Variants in LHFPL3 observed in about 807,000 individuals in gnomAD.
The protein encoded by LHFPL3 is LHFPL tetraspan subfamily member 3 protein.
A neutral mutation model predicts 19.3 loss-of-function variants in LHFPL3; 5 were observed. The ratio of observed to expected loss-of-function variants is 0.26; its 90% CI spans 0.14 to 0.54. The LOEUF is 0.54. Among genes scored for constraint, LHFPL3 ranks in the 20% least tolerant of loss-of-function variants. The pLI, the probability that LHFPL3 is intolerant of heterozygous loss-of-function variation, is 0.94. For missense variants in LHFPL3, 249 were observed against 307.4 expected, an observed-to-expected ratio of 0.81 and a Z score of 1.42; for synonymous variants, 133 against 126.2, an observed-to-expected ratio of 1.05 and a Z score of -0.36.
In LHFPL3 at chr7:104,870,261, T is replaced by C. The variant is rs1039255075; in HGVS notation, c.683-35926T>C. ...TATAATAATAAAAAAAGAAAACTTC[T>C]GTACAAAAGACAGCATTGAATACCA... On this transcript the variant is annotated intron_variant, in intron 2 of 2. Coordinates refer to ENST00000424859, the MANE Select transcript of LHFPL3 (RefSeq NM_199000.3). Among the ~76,000 whole-genome samples, 3 of 152,098 alleles carry C rather than the reference T, an allele frequency of 2.0e-5. No homozygotes were observed. The East Asian group carries it at 5.8e-4, about 29-fold the overall frequency.
chr7:104,883,507 C>T (rs564215906), intron 2 of LHFPL3, among the ~76,000 whole-genome samples: 1 of 152,244 alleles, frequency 6.6e-6, no homozygotes, highest in Admixed American at 6.5e-5. Context: ...AATACAGAAG[C>T]CCGGGGAGCT....
chr7:104,673,116 G>A (rs1049980135), intron 1 of LHFPL3, among the ~76,000 whole-genome samples: 4 of 152,184 alleles, frequency 2.6e-5, no homozygotes, highest in Non-Finnish European at 4.4e-5. Flanking sequence ...CAGGGTTACA[G>A]CCTCCTCCTT....
In LHFPL3 at chr7:104,661,023, A is replaced by G. The variant is rs576562163; in HGVS notation, c.446-75652A>G. Among the ~76,000 whole-genome samples, 5 of 152,304 alleles carry G rather than the reference A, an allele frequency of 3.3e-5. No individual in the cohort carries two copies. The East Asian group carries it at 9.6e-4, about 29-fold the overall frequency. On this transcript the variant is annotated intron_variant, in intron 1 of 2. Coordinates refer to ENST00000424859, the MANE Select transcript of LHFPL3 (RefSeq NM_199000.3). ...GTCATGGAGATGTCAAATTTCTATT[A>G]TTAGTACAACTAACCTTCTTAATGG... is the stretch of plus-strand genomic sequence containing the variant.
intron 1 of LHFPL3, among the ~76,000 whole-genome samples, chr7:104,705,411 G>C (rs10269217): frequency 0.12 from 18,618 of 152,124 alleles, 1,292 homozygotes; most frequent in Non-Finnish European, 0.15. Context: ...ATCATCTTCA[G>C]TTTGAGGTTT....
chr7:104,667,894 G>A (rs1403016268), intron 1 of LHFPL3: 2 of 1,598,414 alleles, frequency 1.3e-6, no homozygotes, highest in South Asian at 1.1e-5. Flanking sequence ...GACCTGGAAG[G>A]AGATGTTTCT....
At chr7:104,794,809 A>C (rs910584551) in intron 2 of LHFPL3, among the ~76,000 whole-genome samples, 1 of 152,230 alleles carries the variant, frequency 6.6e-6, no homozygotes, top group Non-Finnish European at 1.5e-5. Context: ...GGATGGGAAA[A>C]GACCAAGGTC....
chr7:104,725,217 G>A (rs1307062742), intron 1 of LHFPL3, among the ~76,000 whole-genome samples: 3 of 152,018 alleles, frequency 2.0e-5, no homozygotes, highest in Non-Finnish European at 4.4e-5. Context: ...AGAGTTTCCA[G>A]AAATGAAAGT....
chr7:104,375,840 G>A (rs146189570), intron 1 of LHFPL3, among the ~76,000 whole-genome samples: 26 of 152,240 alleles, frequency 1.7e-4, no homozygotes, highest in East Asian at 1.4e-3. Flanking sequence ...CAGTTCTCTA[G>A]CATCATGTCT....
intron 1 of LHFPL3, among the ~76,000 whole-genome samples, chr7:104,697,949 C>T (rs1273084670): frequency 6.6e-6 from 1 of 152,104 alleles, no homozygotes; most frequent in East Asian, 1.9e-4. Context: ...TTATCTTTAC[C>T]ATGGTTGTAT....
At chr7:104,807,821 G>C (rs910366675) in intron 2 of LHFPL3, among the ~76,000 whole-genome samples, 1 of 152,204 alleles carries the variant, frequency 6.6e-6, no homozygotes, top group African/African-American at 2.4e-5. Context: ...ACCACTCACT[G>C]AACGTCTAAA....
chr7:104,429,729 T>C (rs1415342632), intron 1 of LHFPL3, among the ~76,000 whole-genome samples: 1 of 152,018 alleles, frequency 6.6e-6, no homozygotes, highest in Non-Finnish European at 1.5e-5. Flanking sequence ...TTCATAAAGG[T>C]AGGATAATAA....
chr7:104,797,115 G>A (rs1240781019), intron 2 of LHFPL3, among the ~76,000 whole-genome samples: 1 of 152,196 alleles, frequency 6.6e-6, no homozygotes, highest in African/African-American at 2.4e-5. Context: ...CAGAAAATGG[G>A]ATTAGCTTTG....
At position 104,411,761 on chromosome 7, in the gene LHFPL3, A is replaced by G. The variant is rs532542890; in HGVS notation, c.445+82537A>G. On this transcript the variant is annotated intron_variant, in intron 1 of 2. Coordinates refer to ENST00000424859, the MANE Select transcript of LHFPL3 (RefSeq NM_199000.3). ...AGAAGGGTAGTATTGAAAATAAGCC[A>G]AAGAAATATGTTCGCTTTAGAAGTA... 2.6e-5 allele frequency among the ~76,000 whole-genome samples: 4 copies of G among 152,344 alleles called. No homozygotes were observed. In the South Asian group the frequency reaches 8.3e-4, roughly 32 times the overall value.
chr7:104,442,869 C>A (rs1314833650), intron 1 of LHFPL3, among the ~76,000 whole-genome samples: 2 of 152,162 alleles, frequency 1.3e-5, no homozygotes, highest in African/African-American at 4.8e-5. Context: ...AAAGAATAGG[C>A]CTTCCTTAGT....
At chr7:104,587,911 A>G (rs1048393504) in intron 1 of LHFPL3, among the ~76,000 whole-genome samples, 6 of 152,178 alleles carry the variant, frequency 3.9e-5, no homozygotes, top group Admixed American at 6.5e-5. Flanking sequence ...GGCTGCATAA[A>G]TCTCTTCTTT....
intron 2 of LHFPL3, among the ~76,000 whole-genome samples, chr7:104,784,025 C>T (rs763836150): frequency 6.2e-4 from 94 of 152,274 alleles, no homozygotes; most frequent in Non-Finnish European, 5.6e-4. Context: ...ATGAGAGGCT[C>T]AATGTAGTGC....
In LHFPL3 at chr7:104,368,499, C is replaced by T. The variant is rs994599705; in HGVS notation, c.445+39275C>T. On this transcript the variant is annotated intron_variant, in intron 1 of 2. Coordinates refer to ENST00000424859, the MANE Select transcript of LHFPL3 (RefSeq NM_199000.3). Reference sequence around the variant, plus strand: ...TGGATGAGGTAGGGTCCCATTTCTGCGGCGCGTAATCTCCTCCTTTATGTT... The same window carrying T: ...TGGATGAGGTAGGGTCCCATTTCTGTGGCGCGTAATCTCCTCCTTTATGTT... 9.2e-5 allele frequency among the ~76,000 whole-genome samples: 14 copies of T among 152,276 alleles called. 1 individual carries two copies. In the South Asian group the frequency reaches 1.5e-3, roughly 16 times the overall value.
At chr7:104,882,439 G>T (rs1047871562) in intron 2 of LHFPL3, among the ~76,000 whole-genome samples, 1 of 152,130 alleles carries the variant, frequency 6.6e-6, no homozygotes, top group Non-Finnish European at 1.5e-5. Context: ...GTAGAGACAA[G>T]GTTTCATCAT....
At chr7:104,719,939 G>A (rs1259749665) in intron 1 of LHFPL3, among the ~76,000 whole-genome samples, 1 of 152,120 alleles carries the variant, frequency 6.6e-6, no homozygotes, top group Non-Finnish European at 1.5e-5. Context: ...AAGGTTGGTC[G>A]AGAAATAACA....
Sources: gnomAD v4.1 joint callset for allele counts (sites outside exome capture counted in the v4.1 genomes callset) on GRCh38, gnomAD v4.1.1 for gene constraint, MANE v1.5 for transcripts, NCBI Gene and HGNC (gene_info 2026-07-23, HGNC 2026-07-21) for gene names.